HSPG2: variants seen among roughly 807,000 people sequenced by gnomAD.
The protein encoded by HSPG2 is heparan sulfate proteoglycan 2, also known as basement membrane-specific heparan sulfate proteoglycan core protein.
HSPG2 carries 278 observed loss-of-function variants against 526.6 expected under a neutral mutation model. The ratio of observed to expected loss-of-function variants is 0.53; its 90% CI spans 0.48 to 0.58. HSPG2 has a LOEUF of 0.58. HSPG2 is among the 20% of genes least tolerant of loss of function. The pLI is 0.00. For missense variants in HSPG2, 5,354 were observed against 6,099.5 expected (o/e 0.88, Z 4.07); for synonymous variants, 2,465 against 2,555.4 (o/e 0.96, Z 1.07).
rs549075510 is a variant in HSPG2 at position 21,836,942 on chromosome 1, C to T, written c.10215G>A (p.Thr3405=). The change falls in exon 75 of 97, where the codon ACG becomes ACA. Residue 3405 remains threonine, a synonymous_variant. Coordinates refer to ENST00000374695, the MANE Select transcript of HSPG2 (RefSeq NM_005529.7). ...CAATGCTCTTGGTCTCTAGCTGAGG[C>T]GTGACCTGCACGGTGGGCGTGGACC... ...PAGSTPTVQV[T]PQLETKSIGA... is the part of the protein sequence containing the mutation. 17 of 1,557,126 alleles carry T rather than the reference C, an allele frequency of 1.1e-5. 1 individual carries two copies. Among genetic ancestry groups the T allele is most frequent in the East Asian group, 9.7e-5 (4 of 41,396 alleles).
intron 1 of HSPG2, among the ~76,000 whole-genome samples, chr1:21,903,882 G>A (rs571814923): frequency 2.0e-5 from 3 of 152,186 alleles, no homozygotes; most frequent in East Asian, 3.9e-4. Context: ...ACCACCAGCC[G>A]GTGGGGCAGA....
Position 21,932,984 on chromosome 1 carries a change from C to T in HSPG2, c.63+4171G>A, listed in dbSNP as rs556781180. Among the ~76,000 whole-genome samples, 20 of 152,120 alleles carry T rather than the reference C, an allele frequency of 1.3e-4. No individual in the cohort carries two copies. The East Asian group carries it at 2.7e-3, about 21-fold the overall frequency. On this transcript the variant is annotated intron_variant, in intron 1 of 96. Coordinates refer to ENST00000374695, the MANE Select transcript of HSPG2 (RefSeq NM_005529.7). ...CTATAATCCTAGCACTTTGGGAGGC[C>T]GAAGGGGGTGGATCATTTGAGCCCA...
rs2152751279 is a variant in HSPG2 at position 21,878,219 on chromosome 1, G to C, written c.2652C>G (p.Ser884Arg). ...QEIVRCDERGSMGTSGEACRC... is the reference protein window; with the variant it reads ...QEIVRCDERGRMGTSGEACRC... Reference sequence around the variant, plus strand: ...GGCAGGCCTCCCCGGAGGTCCCCATGCTGCCACGCTCGTCACAGCGCACAA... The same window carrying C: ...GGCAGGCCTCCCCGGAGGTCCCCATCCTGCCACGCTCGTCACAGCGCACAA... The change falls in exon 21 of 97, where the codon AGC (serine) becomes AGG (arginine). Residue 884 changes from serine (S) to arginine (R), a missense_variant. Transcript: ENST00000374695. 1 of 1,613,830 alleles carries C rather than the reference G, an allele frequency of 6.2e-7. No homozygotes were observed. The highest frequency in any genetic ancestry group is 1.1e-5 in the South Asian group (1 of 91,072).
At position 21,847,561 on chromosome 1, in the gene HSPG2, G is replaced by A; in HGVS notation, c.8026-69C>T. On this transcript the variant is annotated intron_variant, in intron 61 of 96. Transcript: ENST00000374695. This position sits in a 1 kb window ranked among gnomAD's most constrained non-coding sequence, Gnocchi z 4.1. ...ACGCTGGGGTCACCAGCTGGCTCAG[G>A]CCTTCCTGCTCAGCCTGTTGAGGCT... The A allele has an allele frequency of 1.2e-6, 2 of 1,607,412 alleles. No homozygotes were observed. The highest frequency in any genetic ancestry group is 1.7e-6 in the Non-Finnish European group (2 of 1,175,142).
At chr1:21,922,388 G>A (rs10799719) in intron 1 of HSPG2, among the ~76,000 whole-genome samples, 81,397 of 152,038 alleles carry the variant, frequency 0.54, 22,531 homozygotes, top group Middle Eastern at 0.67. Flanking sequence ...ACAGCAAGGC[G>A]GCTCTGGGCT....
intron 6 of HSPG2, among the ~76,000 whole-genome samples, chr1:21,888,952 G>GT (rs1429317721): frequency 6.6e-6 from 1 of 152,194 alleles, no homozygotes; most frequent in Admixed American, 6.5e-5. Flanking sequence ...TAGAGGCAGG[G>GT]TTTTGCTCTG....
intron 91 of HSPG2, among the ~76,000 whole-genome samples, chr1:21,827,619 T>C (rs965318216): frequency 1.1e-4 from 17 of 152,236 alleles, no homozygotes; most frequent in Non-Finnish European, 1.9e-4. Flanking sequence ...GTTTGTTGAC[T>C]GAATACATGA....
rs2098047519 is a variant in HSPG2, at chr1:21,841,304, AC to A, written c.9329-20del. 1 of 1,612,876 alleles carries A rather than the reference AC, an allele frequency of 6.2e-7. No individual in the cohort carries two copies. Among genetic ancestry groups the A allele is most frequent in the African/African-American group, 1.3e-5 (1 of 74,912 alleles). Reference sequence around the variant, plus strand: ...GGGGGCCCTGTGCGGAGGAATGACAACCACTGACACACAGGCAGGGCTCTGC... The same window carrying A: ...GGGGGCCCTGTGCGGAGGAATGACAACACTGACACACAGGCAGGGCTCTGC... On this transcript the variant is annotated intron_variant, in intron 70 of 96. Transcript: ENST00000374695.
rs6701152 is a variant in HSPG2 at position 21,893,642 on chromosome 1, C to T, written c.244+2280G>A. The stretch of plus-strand genomic sequence containing the variant: ...GACCATCATGCCAGCCACGGGCGGG[C>T]GGCCCAGGGGCTGCCCTGAGCCTGC... On this transcript the variant is annotated intron_variant, in intron 3 of 96. Coordinates refer to ENST00000374695, the MANE Select transcript of HSPG2 (RefSeq NM_005529.7). The surrounding 1 kb of genome is among the most constrained non-coding windows in gnomAD (Gnocchi z 4.3). Among the ~76,000 whole-genome samples, 12,548 of 151,842 alleles carry T rather than the reference C, an allele frequency of 0.083. 1,249 individuals are homozygous for T. Among genetic ancestry groups the T allele is most frequent in the East Asian group, 0.25 (1,275 of 5,112 alleles).
In HSPG2 at chr1:21,887,558, G is replaced by C; in HGVS notation, c.820C>G (p.Pro274Ala). ...RQPPVTHAPQ[P>A]LLPGSVRPLP... The stretch of plus-strand genomic sequence containing the variant: ...GGCCTGACGGAACCGGGAAGCAGGG[G>C]CTGAGGAGCGTGGGTGACTGGTGGC... The change falls in exon 8 of 97, where the codon CCC becomes GCC. Residue 274 changes from proline (P) to alanine (A), a missense_variant. Transcript: ENST00000374695. This position sits in a 1 kb window ranked among gnomAD's most constrained non-coding sequence, Gnocchi z 5.0. The C allele has an allele frequency of 6.2e-7, 1 of 1,614,124 alleles. No homozygotes were observed. The highest frequency in any genetic ancestry group is 8.5e-7 in the Non-Finnish European group (1 of 1,180,022).
rs771096506 is a variant in HSPG2 at position 21,864,971 on chromosome 1, CGGA to C, written c.4495_4497del (p.Ser1499del). ...GCGCTGATGCTGGCCGCCAGCGGCA[CGGA>C]GGAGAACGTGGCCCGGATCAGGAGC... On this transcript the variant is annotated inframe_deletion, in exon 36 of 97. Coordinates refer to ENST00000374695, the MANE Select transcript of HSPG2 (RefSeq NM_005529.7). This position sits in a 1 kb window ranked among gnomAD's most constrained non-coding sequence, Gnocchi z 4.8. The C allele has an allele frequency of 4.3e-5, 68 of 1,593,756 alleles. No individual in the cohort carries two copies. The highest frequency in any genetic ancestry group is 5.5e-5 in the Non-Finnish European group (65 of 1,172,312).
At chr1:21,835,330 C>T (rs557473153) in intron 76 of HSPG2, 1 of 618,594 alleles carries the variant, frequency 1.6e-6, no homozygotes, top group South Asian at 1.8e-5. Context: ...AGCACTCACA[C>T]ACTCCATCCA....
At chr1:21,866,428 C>A (rs1158232889) in intron 33 of HSPG2, among the ~76,000 whole-genome samples, 1 of 152,198 alleles carries the variant, frequency 6.6e-6, no homozygotes, top group Non-Finnish European at 1.5e-5. Context: ...CCTTTGCCAC[C>A]CCATCAGGGA....
intron 1 of HSPG2, among the ~76,000 whole-genome samples, chr1:21,909,185 TCATCAC>T (rs1643535329): frequency 6.6e-6 from 1 of 152,212 alleles, no homozygotes; most frequent in African/African-American, 2.4e-5. Flanking sequence ...CAAAGGGTCA[TCATCAC>T]CATCATCCTC....
chr1:21,836,263 G>C (rs1258102267), intron 75 of HSPG2, among the ~76,000 whole-genome samples: 1 of 152,226 alleles, frequency 6.6e-6, no homozygotes, highest in Non-Finnish European at 1.5e-5. Flanking sequence ...ATGGGCCACT[G>C]TTTACTGAAG....
rs71636993 is a variant in HSPG2 at position 21,849,969 on chromosome 1, C to T, written c.7446+72G>A. On this transcript the variant is annotated intron_variant, in intron 57 of 96. Coordinates refer to ENST00000374695, the MANE Select transcript of HSPG2 (RefSeq NM_005529.7). ...CCGGGATTACAGGCGTGAGCCACTG[C>T]GCCCGGTCAAGCCTATGCTCTTGTA... The T allele has an allele frequency of 0.057, 89,834 of 1,589,520 alleles. 3,043 individuals are homozygous for T. Among genetic ancestry groups the T allele is most frequent in the South Asian group, 0.11 (9,922 of 90,602 alleles).
chr1:21,861,636 T>C (rs903262885), intron 39 of HSPG2, 121 bp downstream of exon 39: 3 of 928,294 alleles, frequency 3.2e-6, no homozygotes, highest in Non-Finnish European at 5.1e-6. Context: ...TTAGAAGTGT[T>C]TGAGGCAGGG....
rs1233422102 is a variant in HSPG2 at position 21,843,430 on chromosome 1, G to T, written c.8625C>A (p.Gly2875=). 9.9e-6 allele frequency: 16 copies of T among 1,612,210 alleles called. No individual in the cohort carries two copies. The South Asian group carries it at 1.3e-4, about 13-fold the overall frequency. The change falls in exon 66 of 97, where the codon GGC becomes GGA. Residue 2875 remains glycine (G), a synonymous_variant. Transcript: ENST00000374695. ...GNLPARHQVH[G]PLLRLNQVSP... is the part of the protein sequence containing the mutation. The stretch of plus-strand genomic sequence containing the variant: ...ACACCTGGTTCAGCCTCAGCAGTGG[G>T]CCGTGGACCTGGCCAAGGTGGGGTG...
At position 21,878,452 on chromosome 1, in the gene HSPG2, G is replaced by T; in HGVS notation, c.2598C>A (p.Gly866=). The T allele has an allele frequency of 6.2e-7, 1 of 1,607,806 alleles. No homozygotes were observed. The change falls in exon 20 of 97, where the codon GGC becomes GGA. Residue 866 remains glycine (G), a synonymous_variant. Coordinates refer to ENST00000374695, the MANE Select transcript of HSPG2 (RefSeq NM_005529.7). ...PGYEGNPIQP[G]GKCRPVNQEI... ...ACTCACTGACGGGCCTGCACTTCCC[G>T]CCGGGCTGGATGGGGTTGCCCTCGT...
Sources: gnomAD v4.1 joint callset for allele counts (sites outside exome capture counted in the v4.1 genomes callset) on GRCh38, gnomAD v4.1.1 for gene constraint, Gnocchi (gnomAD v3.1) non-coding constraint, MANE v1.5 for transcripts, NCBI Gene and HGNC (gene_info 2026-07-23, HGNC 2026-07-21) for gene names.